VSIG10L: variants seen among roughly 807,000 people sequenced by gnomAD.
The protein encoded by VSIG10L is V-set and immunoglobulin domain-containing protein 10-like.
VSIG10L carries 63 observed loss-of-function variants against 67.3 expected under a neutral mutation model. The ratio of observed to expected loss-of-function variants is 0.94; its 90% CI spans 0.76 to 1.15. VSIG10L has a LOEUF of 1.15. VSIG10L is among the 50% of genes most tolerant of loss of function. The pLI is 0.00. For missense variants in VSIG10L, 1,050 were observed against 1,177.5 expected (o/e 0.89, Z 1.58); for synonymous variants, 499 against 524.9 (o/e 0.95, Z 0.67).
In VSIG10L at chr19:51,338,966, G is replaced by A; in HGVS notation, c.1651C>T (p.His551Tyr). 2.1e-6 allele frequency: 3 copies of A among 1,426,632 alleles called. No homozygotes were observed. Among genetic ancestry groups the A allele is most frequent in the South Asian group, 2.9e-5 (2 of 69,036 alleles). 88.4% of individuals were successfully genotyped at this position (1,426,632 alleles called of 1,614,324 possible). A position where few individuals can be genotyped will look rare whatever the true frequency, so the allele number is the denominator to read the frequency against. Residue 551 changes from histidine (H) to tyrosine (Y), a missense_variant, in exon 5 of 10, where the codon CAC becomes TAC. Around this residue, in one of 3 missense-constraint regions of VSIG10L, gnomAD observed 529 missense variants for 584.9 expected, o/e 0.90. Coordinates refer to ENST00000335624, the MANE Select transcript of VSIG10L (RefSeq NM_001163922.3). ...SSVLLAAVPA[H>Y]PRLSGVPITC... ...ATGGGGACGCCGCTGAGCCGGGGGTGGGCGGGGACGGCCGCCAGCAGCACA... is the reference window on the plus strand; with the variant it reads ...ATGGGGACGCCGCTGAGCCGGGGGTAGGCGGGGACGGCCGCCAGCAGCACA...
At chr19:51,335,032 G>A (rs1985449314) in intron 7 of VSIG10L, among the ~76,000 whole-genome samples, 1 of 152,246 alleles carries the variant, frequency 6.6e-6, no homozygotes, top group Non-Finnish European at 1.5e-5. Context: ...CCCTGAGGAA[G>A]TAACGTTTGA....
intron 6 of VSIG10L, 29 bp from the exon 7 acceptor site, chr19:51,337,563 T>G: frequency 7.0e-7 from 1 of 1,423,944 alleles, no homozygotes; most frequent in East Asian, 2.9e-5. Context: ...GGCTGGATTC[T>G]TGGGTGCCAG....
intron 6 of VSIG10L, 41 bp downstream of exon 6, chr19:51,337,889 G>C (rs1255727946): frequency 1.3e-6 from 2 of 1,504,272 alleles, no homozygotes; most frequent in Non-Finnish European, 1.8e-6. Context: ...GGAGCGGCTG[G>C]GGACGTGGAC....
At chr19:51,332,930 G>A (rs556708032) in intron 9 of VSIG10L, among the ~76,000 whole-genome samples, 6 of 152,148 alleles carry the variant, frequency 3.9e-5, no homozygotes, top group African/African-American at 1.4e-4. Context: ...GCTCACTGCA[G>A]CCTTGACCTC....
intron 8 of VSIG10L, 92 bp from the exon 9 acceptor site, chr19:51,334,037 C>G: frequency 6.6e-7 from 1 of 1,521,546 alleles, no homozygotes. Flanking sequence ...GTTGGAGAGG[C>G]GGAGCCTTAT....
chr19:51,338,277 C>T (rs1985538923), intron 5 of VSIG10L, 69 bp from the exon 6 acceptor site: 9 of 1,426,274 alleles, frequency 6.3e-6, no homozygotes, highest in Non-Finnish European at 8.3e-6. Context: ...AGATCCTATG[C>T]CCTACTTTAA....
chr19:51,341,129 C>A, intron 2 of VSIG10L, 24 bp downstream of exon 2: 1 of 1,481,362 alleles, frequency 6.8e-7, no homozygotes, highest in Non-Finnish European at 9.0e-7. Flanking sequence ...GCCGCCTGCA[C>A]GCCGGACGCC....
intron 7 of VSIG10L, 102 bp from the exon 8 acceptor site, chr19:51,334,406 C>T: frequency 1.1e-6 from 1 of 913,172 alleles, no homozygotes; most frequent in Non-Finnish European, 1.6e-6. Flanking sequence ...GGAGTCCGGC[C>T]CCCACTGTCC....
Position 51,341,308 on chromosome 19 carries a change from A to C in VSIG10L, c.740T>G (p.Leu247Arg). 1 of 1,544,934 alleles carries C rather than the reference A, an allele frequency of 6.5e-7. No homozygotes were observed. The change falls in exon 2 of 10, where the codon CTG becomes CGG. Residue 247 changes from leucine (L) to arginine (R), a missense_variant. Transcript: ENST00000335624. The stretch of plus-strand genomic sequence containing the variant: ...CAGGTGGTCTCGGTGAGCAGGGTCC[A>C]GGCTGATCAGAGGTGCCCCTGGCCC... Reference protein sequence around the residue: ...GLGPGAPLISLDPAHRDHLRF... With the variant: ...GLGPGAPLISRDPAHRDHLRF...
In VSIG10L at chr19:51,340,660, C is replaced by T. The variant is rs1049308767; in HGVS notation, c.962G>A (p.Arg321Gln). 24 of 1,530,930 alleles carry T rather than the reference C, an allele frequency of 1.6e-5. No individual in the cohort carries two copies. Among genetic ancestry groups the T allele is most frequent in the Non-Finnish European group, 2.1e-5 (24 of 1,144,076 alleles). 94.8% of individuals were successfully genotyped at this position (1,530,930 alleles called of 1,614,324 possible). A position where few individuals can be genotyped will look rare whatever the true frequency, so the allele number is the denominator to read the frequency against. ...PETEEGAAEL[R>Q]LRCLGWGPGR... is the part of the protein sequence containing the mutation. Reference sequence around the variant, plus strand: ...TGGCCCCCACCCCAGGCAGCGCAGCCGGAGCTCGGCCGCCCCCTCCTCTGT... The same window carrying T: ...TGGCCCCCACCCCAGGCAGCGCAGCTGGAGCTCGGCCGCCCCCTCCTCTGT... Residue 321 changes from arginine to glutamine, a missense_variant, in exon 3 of 10, where the codon CGG becomes CAG. By Grantham distance (43) the Arg-to-Gln change is conservative. Around this residue, in one of 3 missense-constraint regions of VSIG10L, gnomAD observed 511 missense variants for 557.9 expected, o/e 0.92. Transcript: ENST00000335624. The surrounding 1 kb of genome is among the most constrained non-coding windows in gnomAD (Gnocchi z 6.3).
Position 51,340,286 on chromosome 19 carries a change from C to T in VSIG10L, c.1203G>A (p.Pro401=). Residue 401 remains proline, a synonymous_variant, in exon 4 of 10, where the codon CCG becomes CCA. Transcript: ENST00000335624. The surrounding 1 kb of genome is among the most constrained non-coding windows in gnomAD (Gnocchi z 6.3). ...ADVSVFYGPD[P]PTITVSSDRD... is the part of the protein sequence containing the mutation. The stretch of plus-strand genomic sequence containing the variant: ...GGTCCGAGGAGACCGTGATGGTCGG[C>T]GGGTCCGGGCCGTCTGGAGGGAGGA... The T allele has an allele frequency of 1.3e-6, 2 of 1,516,058 alleles. No homozygotes were observed. The highest frequency in any genetic ancestry group is 1.8e-6 in the Non-Finnish European group (2 of 1,138,708). 93.9% of individuals were successfully genotyped at this position (1,516,058 alleles called of 1,614,324 possible). A position where few individuals can be genotyped will look rare whatever the true frequency, so the allele number is the denominator to read the frequency against.
rs751537282 is a variant in VSIG10L at position 51,338,145 on chromosome 19, A to G, written c.1793T>C (p.Val598Ala). 1.8e-4 allele frequency: 273 copies of G among 1,535,364 alleles called. 3 individuals carry two copies. The highest frequency in any genetic ancestry group is 1.7e-3 in the Middle Eastern group (10 of 5,894). ...VAETRLGEAE[V>A]ALEASGCPPP... ...GGGACAACCAGAGGCCTCCAGTGCC[A>G]CCTCTGCCTCCCCCAACCGTGTCTC... Residue 598 changes from valine (V) to alanine (A), a missense_variant, in exon 6 of 10, where the codon GTG becomes GCG. Physicochemically the swap from Val to Ala is moderately conservative, Grantham distance 64. Coordinates refer to ENST00000335624, the MANE Select transcript of VSIG10L (RefSeq NM_001163922.3).
Position 51,340,859 on chromosome 19 carries a change from CTA to C in VSIG10L, c.896-135_896-134del. On this transcript the variant is annotated intron_variant, in intron 2 of 9. Coordinates refer to ENST00000335624, the MANE Select transcript of VSIG10L (RefSeq NM_001163922.3). The surrounding 1 kb of genome is among the most constrained non-coding windows in gnomAD (Gnocchi z 6.3). ...CCCCCATCCCTCTCCTCTCATAAAC[CTA>C]TGAGTTTGAGCCCCCAGACACCTCC... 3.3e-6 allele frequency: 4 copies of C among 1,216,004 alleles called. No individual in the cohort carries two copies. The East Asian group carries it at 8.2e-5, about 25-fold the overall frequency. The allele number at this position is 1,216,004 out of a possible 1,614,324, so 75.3% of individuals were successfully genotyped here. A position where few individuals can be genotyped will look rare whatever the true frequency, so the allele number is the denominator to read the frequency against.
intron 7 of VSIG10L, among the ~76,000 whole-genome samples, chr19:51,336,691 C>G (rs933467779): frequency 1.3e-5 from 2 of 151,578 alleles, no homozygotes; most frequent in African/African-American, 4.8e-5. Context: ...CAGCCGCCAC[C>G]AGGAGCTAGG....
rs760683898 is a variant in VSIG10L, at chr19:51,337,048, G to C, written c.2305+190C>G. Among the ~76,000 whole-genome samples, 4 of 152,088 alleles carry C rather than the reference G, an allele frequency of 2.6e-5. No homozygotes were observed. The South Asian group carries it at 8.3e-4, about 31-fold the overall frequency. ...CCCAAAGTGCTGGGATTACAGGCGT[G>C]AGCCACCGCGCCCAGCCGACACCTT... On this transcript the variant is annotated intron_variant, in intron 7 of 9. Coordinates refer to ENST00000335624, the MANE Select transcript of VSIG10L (RefSeq NM_001163922.3).
In VSIG10L at chr19:51,342,064, G is replaced by A; in HGVS notation, c.40+21C>T. On this transcript the variant is annotated intron_variant, in intron 1 of 9. Coordinates refer to ENST00000335624, the MANE Select transcript of VSIG10L (RefSeq NM_001163922.3). This position sits in a 1 kb window ranked among gnomAD's most constrained non-coding sequence, Gnocchi z 4.4. ...GCTGCTGAGGGAGACTGACAGGGAA[G>A]GGACTGAGCAGGGAACTTACCCAGG... 4.5e-6 allele frequency: 7 copies of A among 1,551,756 alleles called. No homozygotes were observed. Among genetic ancestry groups the A allele is most frequent in the Non-Finnish European group, 6.1e-6 (7 of 1,147,012 alleles).
At position 51,334,270 on chromosome 19, in the gene VSIG10L, G is replaced by A. The variant is rs752884014; in HGVS notation, c.2340C>T (p.Ile780=). Residue 780 remains isoleucine, a synonymous_variant, in exon 8 of 10, where the codon ATC becomes ATT. Transcript: ENST00000335624. ...CCAGGCCCAGCAGGGAGCCCAGGAC[G>A]ATGCCAGCGATGGCCCCATGGCTCA... is the stretch of plus-strand genomic sequence containing the variant. The part of the protein sequence containing the change: ...PTLSHGAIAG[I]VLGSLLGLAL... 23 of 1,551,562 alleles carry A rather than the reference G, an allele frequency of 1.5e-5. No individual in the cohort carries two copies. The East Asian group carries it at 2.2e-4, about 15-fold the overall frequency.
In VSIG10L at chr19:51,341,306, C is replaced by T; in HGVS notation, c.742G>A (p.Asp248Asn). 6.5e-7 allele frequency: 1 copy of T among 1,545,242 alleles called. No homozygotes were observed. The highest frequency in any genetic ancestry group is 8.7e-7 in the Non-Finnish European group (1 of 1,146,868). ...LGPGAPLISL[D>N]PAHRDHLRFD... ...CGCAGGTGGTCTCGGTGAGCAGGGTCCAGGCTGATCAGAGGTGCCCCTGGC... is the reference window on the plus strand; with the variant it reads ...CGCAGGTGGTCTCGGTGAGCAGGGTTCAGGCTGATCAGAGGTGCCCCTGGC... Residue 248 changes from aspartate (D) to asparagine (N), a missense_variant, in exon 2 of 10, where the codon GAC becomes AAC. Physicochemically the swap from Asp to Asn is conservative, Grantham distance 23. Coordinates refer to ENST00000335624, the MANE Select transcript of VSIG10L (RefSeq NM_001163922.3).
At chr19:51,334,390 G>A in intron 7 of VSIG10L, 86 bp from the exon 8 acceptor site, 1 of 1,220,378 alleles carries the variant, frequency 8.2e-7, no homozygotes. Flanking sequence ...TTTGTGCTGG[G>A]ACCCAGGAGT....
Sources: allele counts gnomAD v4.1 joint callset (sites outside exome capture counted in the v4.1 genomes callset), GRCh38; gene constraint gnomAD v4.1.1; regional missense constraint gnomAD v4.1.1; non-coding constraint Gnocchi (gnomAD v3.1); transcripts MANE v1.5; gene names NCBI Gene and HGNC (gene_info 2026-07-23, HGNC 2026-07-21).